BBS9: variants seen among roughly 807,000 people sequenced by gnomAD.
BBS9 encodes protein PTHB1.
In BBS9, 89 loss-of-function variants were observed where a neutral mutation model predicts 117.7. The ratio of observed to expected loss-of-function variants is 0.76; its 90% CI spans 0.64 to 0.90. BBS9 has a LOEUF of 0.90. Ranked by LOEUF, BBS9 falls within the 40% of genes least tolerant of loss-of-function variation. The pLI is 0.00. For synonymous variants in BBS9, 379 were observed against 370.9 expected (o/e 1.02, Z -0.25); for missense variants, 982 against 1,042.2 (o/e 0.94, Z 0.80).
At chr7:33,172,096 C>T (rs936459425) in intron 4 of BBS9, among the ~76,000 whole-genome samples, 2 of 151,994 alleles carry the variant, frequency 1.3e-5, no homozygotes, top group Admixed American at 6.6e-5. Flanking sequence ...GAACATGCCT[C>T]TAGGCCGGGT....
chr7:33,476,637 C>T (rs1841841147), intron 19 of BBS9, among the ~76,000 whole-genome samples: 2 of 152,132 alleles, frequency 1.3e-5, no homozygotes, highest in African/African-American at 4.8e-5. Context: ...CTAAATTAGC[C>T]CATCATCCAT....
chr7:33,283,164 G>GT (rs745368760), intron 9 of BBS9, among the ~76,000 whole-genome samples: 2 of 152,104 alleles, frequency 1.3e-5, no homozygotes, highest in African/African-American at 2.4e-5. Context: ...GGAAAGCCGT[G>GT]TAAGTGTTCT....
At chr7:33,249,637 T>A (rs889774426) in intron 5 of BBS9, among the ~76,000 whole-genome samples, 3 of 152,226 alleles carry the variant, frequency 2.0e-5, no homozygotes, top group Non-Finnish European at 4.4e-5. Flanking sequence ...GTTTTTCTCT[T>A]ATTGTGCTCA....
chr7:33,276,976 G>C (rs1384361830), intron 9 of BBS9: 4 of 241,362 alleles, frequency 1.7e-5, no homozygotes, highest in African/African-American at 6.9e-5. Flanking sequence ...GAAGGGGTCT[G>C]TGGTGGTGGA....
intron 9 of BBS9, among the ~76,000 whole-genome samples, chr7:33,294,311 ATCTATCTATCT>A (rs1562950685): frequency 1.8e-5 from 2 of 113,412 alleles, no homozygotes; most frequent in Non-Finnish European, 3.7e-5. Context: ...CTATCTATCT[ATCTATCTATCT>A]ATCTATCTAT....
intron 19 of BBS9, among the ~76,000 whole-genome samples, chr7:33,504,425 A>G (rs533206459): frequency 2.0e-5 from 3 of 152,206 alleles, no homozygotes; most frequent in Non-Finnish European, 4.4e-5. Context: ...TGTACATTGT[A>G]CTTGTTTGAA....
intron 5 of BBS9, among the ~76,000 whole-genome samples, chr7:33,185,058 T>G (rs756562723): frequency 9.2e-5 from 14 of 152,194 alleles, no homozygotes; most frequent in Non-Finnish European, 1.9e-4. Context: ...GACATGGCAC[T>G]AGTGGGAGTG....
At chr7:33,386,096 G>A (rs879474405) in intron 18 of BBS9, among the ~76,000 whole-genome samples, 10 of 151,826 alleles carry the variant, frequency 6.6e-5, no homozygotes, top group African/African-American at 1.5e-4. Context: ...AAACCTGCAC[G>A]TTGTGCACAT....
chr7:33,480,134 A>G (rs1231660287), intron 19 of BBS9, among the ~76,000 whole-genome samples: 2 of 152,182 alleles, frequency 1.3e-5, no homozygotes, highest in Non-Finnish European at 2.9e-5. Context: ...AGTCTCAATA[A>G]AGGTTTTAGG....
Position 33,290,668 on chromosome 7 carries a change from T to C in BBS9, c.1016+16712T>C, listed in dbSNP as rs372923810. The stretch of plus-strand genomic sequence containing the variant: ...AAATTTTTTAGTGTGTGTAGCATAG[T>C]GATATGATAGAAGTAATGCCCAGGC... On this transcript the variant is annotated intron_variant, in intron 9 of 22. Coordinates refer to ENST00000242067, the MANE Select transcript of BBS9 (RefSeq NM_198428.3). 3.0e-4 allele frequency among the ~76,000 whole-genome samples: 46 copies of C among 152,348 alleles called. No homozygotes were observed. The South Asian group carries it at 9.3e-3, about 31-fold the overall frequency.
rs181353934 is a variant in BBS9, at chr7:33,321,379, C to T, written c.1017-15062C>T. ...AATTCATGAACATGGAATATCTTTC[C>T]GTTTTTTTCTGTCCTCTTCAATTTG... On this transcript the variant is annotated intron_variant, in intron 9 of 22. Transcript: ENST00000242067. Among the ~76,000 whole-genome samples the T allele has an allele frequency of 8.2e-4, 125 of 151,988 alleles. 2 individuals carry two copies. The East Asian group carries it at 0.012, about 15-fold the overall frequency.
chr7:33,300,978 T>G (rs1344629511), intron 9 of BBS9, among the ~76,000 whole-genome samples: 1 of 152,166 alleles, frequency 6.6e-6, no homozygotes. Flanking sequence ...TTCAGCACTT[T>G]GAAGATATCA....
intron 7 of BBS9, among the ~76,000 whole-genome samples, chr7:33,271,868 A>G (rs535652701): frequency 1.3e-5 from 2 of 152,314 alleles, no homozygotes; most frequent in South Asian, 2.1e-4. Context: ...CCTAATAGAC[A>G]TCTACAAAAC....
intron 10 of BBS9, among the ~76,000 whole-genome samples, chr7:33,337,435 A>G (rs1432754419): frequency 6.6e-6 from 1 of 152,134 alleles, no homozygotes; most frequent in Non-Finnish European, 1.5e-5. Flanking sequence ...AAAACAACAG[A>G]GCCAATCTTA....
intron 5 of BBS9, among the ~76,000 whole-genome samples, chr7:33,243,392 T>C (rs1164331904): frequency 6.6e-6 from 1 of 152,194 alleles, no homozygotes; most frequent in Non-Finnish European, 1.5e-5. Flanking sequence ...GAATTCCTGT[T>C]TTAAGGCATA....
At position 33,605,478 on chromosome 7, in the gene BBS9, G is replaced by C; in HGVS notation, c.*252G>C. ...AGTAGTTGCCTTTGGTCATCCATCT[G>C]CTAATAGTCACAGAATACAGTGAAA... On this transcript the variant is annotated 3_prime_UTR_variant, in exon 23 of 23. Coordinates refer to ENST00000242067, the MANE Select transcript of BBS9 (RefSeq NM_198428.3). 1.8e-6 allele frequency: 1 copy of C among 557,530 alleles called. No individual in the cohort carries two copies. Among genetic ancestry groups the C allele is most frequent in the Non-Finnish European group, 3.2e-6 (1 of 310,518 alleles). 34.5% of individuals were successfully genotyped at this position (557,530 alleles called of 1,614,324 possible).
At chr7:33,161,473 G>A (rs1443375744) in intron 4 of BBS9, among the ~76,000 whole-genome samples, 1 of 152,160 alleles carries the variant, frequency 6.6e-6, no homozygotes, top group Admixed American at 6.5e-5. Flanking sequence ...TGGCTGCATA[G>A]TATTCCATGG....
chr7:33,167,803 C>A (rs1795932218), intron 4 of BBS9, among the ~76,000 whole-genome samples: 1 of 152,050 alleles, frequency 6.6e-6, no homozygotes, highest in Non-Finnish European at 1.5e-5. Context: ...CTTTCATGAA[C>A]CTCCTTAAAG....
chr7:33,468,999 C>CT (rs4000120), intron 19 of BBS9, among the ~76,000 whole-genome samples: 63 of 150,558 alleles, frequency 4.2e-4, no homozygotes, highest in East Asian at 2.2e-3. Context: ...CTACTGATTC[C>CT]TTTTTTTTTT....
Sources: allele counts gnomAD v4.1 joint callset (sites outside exome capture counted in the v4.1 genomes callset), GRCh38; gene constraint gnomAD v4.1.1; transcripts MANE v1.5; gene names NCBI Gene and HGNC (gene_info 2026-07-23, HGNC 2026-07-21).